Variants in TENM2 observed in about 807,000 individuals in gnomAD.
The protein encoded by TENM2 is teneurin transmembrane protein 2.
TENM2 carries 52 observed loss-of-function variants against 245.2 expected under a neutral mutation model. That is an observed-to-expected ratio of 0.21 (90% CI 0.17 to 0.27). The LOEUF (loss-of-function observed/expected upper bound fraction) is 0.27, where lower values mean the gene tolerates loss of function less well. Among genes scored for constraint, TENM2 ranks in the 10% least tolerant of loss-of-function variants. TENM2 has a pLI of 1.00. For synonymous variants in TENM2, 1,363 were observed against 1,438.9 expected (o/e 0.95, Z 1.19); for missense variants, 3,046 against 3,666.8 (o/e 0.83, Z 4.37).
chr5:168,018,844 A>T (rs1785895363), intron 5 of TENM2, among the ~76,000 whole-genome samples: 1 of 152,198 alleles, frequency 6.6e-6, no homozygotes, highest in South Asian at 2.1e-4. Flanking sequence ...GAAATGGGTG[A>T]CTGAGGTCCC....
intron 2 of TENM2, among the ~76,000 whole-genome samples, chr5:167,552,941 A>G (rs1186163055): frequency 6.6e-6 from 1 of 152,094 alleles, no homozygotes; most frequent in Non-Finnish European, 1.5e-5. Context: ...GAATGAATGA[A>G]TGAATGAATA....
At chr5:167,431,613 A>G (rs975204060) in intron 2 of TENM2, among the ~76,000 whole-genome samples, 3 of 152,008 alleles carry the variant, frequency 2.0e-5, no homozygotes, top group African/African-American at 7.2e-5. Context: ...ATTGCATTCA[A>G]TCTTGAAATA....
the TENM2 span, among the ~76,000 whole-genome samples, chr5:167,269,870 G>T: frequency 6.6e-6 from 1 of 152,042 alleles, no homozygotes; most frequent in African/African-American, 2.4e-5. Context: ...TTCAACTTCT[G>T]TATCTCCACA....
chr5:167,070,813 G>A, the TENM2 span, among the ~76,000 whole-genome samples: 1 of 152,000 alleles, frequency 6.6e-6, no homozygotes, highest in Non-Finnish European at 1.5e-5. Flanking sequence ...ACGATGCTTG[G>A]TTTGTCTTTG....
At chr5:167,757,930 T>C (rs1228387375) in intron 2 of TENM2, among the ~76,000 whole-genome samples, 1 of 152,212 alleles carries the variant, frequency 6.6e-6, no homozygotes, top group African/African-American at 2.4e-5. Context: ...CTGAAGTCTT[T>C]TTCTTAGAGC....
intron 2 of TENM2, among the ~76,000 whole-genome samples, chr5:167,447,929 A>G (rs1765330599): frequency 6.6e-6 from 1 of 152,090 alleles, no homozygotes; most frequent in Non-Finnish European, 1.5e-5. Flanking sequence ...GCTGAGTTTG[A>G]TTTATGAAAT....
chr5:167,986,494 G>C (rs535717014), intron 4 of TENM2, among the ~76,000 whole-genome samples: 121 of 152,250 alleles, frequency 7.9e-4, no homozygotes, highest in African/African-American at 2.9e-3. Context: ...AAGTGTGTGA[G>C]CTCCTCTTTT....
chr5:167,354,354 C>T (rs1759171843), intron 1 of TENM2, among the ~76,000 whole-genome samples: 1 of 152,186 alleles, frequency 6.6e-6, no homozygotes, highest in African/African-American at 2.4e-5. Flanking sequence ...TTTAATAATC[C>T]ACAAATTAGG....
chr5:167,987,367 G>T (rs1178032188), intron 4 of TENM2, among the ~76,000 whole-genome samples: 2 of 149,376 alleles, frequency 1.3e-5, no homozygotes, highest in Non-Finnish European at 3.0e-5. Flanking sequence ...CCTTCTTGTT[G>T]CCCAGGCTGG....
At chr5:167,126,395 C>T in the TENM2 span, among the ~76,000 whole-genome samples, 1 of 152,146 alleles carries the variant, frequency 6.6e-6, no homozygotes, top group African/African-American at 2.4e-5. Context: ...GTTGAGATGT[C>T]CTTTCTATTT....
intron 2 of TENM2, among the ~76,000 whole-genome samples, chr5:167,460,083 G>C (rs1766203079): frequency 1.3e-5 from 2 of 152,048 alleles, no homozygotes; most frequent in Non-Finnish European, 2.9e-5. Context: ...TTTTGAAAGA[G>C]CAATAGAGAT....
the TENM2 span, among the ~76,000 whole-genome samples, chr5:167,002,278 C>T: frequency 2.0e-5 from 3 of 152,036 alleles, no homozygotes. Context: ...TGAAACTAAT[C>T]TTATATTAAA....
chr5:168,119,081 AAGACTGTAG>A (rs1166949307), intron 10 of TENM2, among the ~76,000 whole-genome samples: 1 of 152,194 alleles, frequency 6.6e-6, no homozygotes, highest in Admixed American at 6.5e-5. Context: ...TCAGGCTTGA[AAGACTGTAG>A]GTTTTTTATG....
At chr5:167,973,320 A>G (rs1315574260) in intron 4 of TENM2, among the ~76,000 whole-genome samples, 1 of 152,176 alleles carries the variant, frequency 6.6e-6, no homozygotes, top group Non-Finnish European at 1.5e-5. Flanking sequence ...ATGCTAACTA[A>G]GGATTTTTGT....
chr5:167,873,224 TC>T (rs1224865244), intron 2 of TENM2, among the ~76,000 whole-genome samples: 4 of 152,222 alleles, frequency 2.6e-5, no homozygotes, highest in Non-Finnish European at 4.4e-5. Context: ...AACTTTGAAC[TC>T]TGTCGGATGA....
intron 27 of TENM2, among the ~76,000 whole-genome samples, chr5:168,254,610 G>C (rs1318532588): frequency 6.6e-6 from 1 of 152,220 alleles, no homozygotes; most frequent in Non-Finnish European, 1.5e-5. Flanking sequence ...AAGGATTGCT[G>C]TTCATGGGAA....
intron 2 of TENM2, among the ~76,000 whole-genome samples, chr5:167,859,038 C>T (rs1172105359): frequency 1.3e-5 from 2 of 150,646 alleles, no homozygotes; most frequent in Non-Finnish European, 3.0e-5. Flanking sequence ...CGTCTCCGCC[C>T]GGCCGCCATC....
intron 2 of TENM2, among the ~76,000 whole-genome samples, chr5:167,677,361 C>T (rs1756400859): frequency 6.6e-6 from 1 of 151,502 alleles, no homozygotes; most frequent in African/African-American, 2.4e-5. Flanking sequence ...GGAAACATTT[C>T]TTATGACAGT....
chr5:167,490,383 T>G (rs1457521691), intron 2 of TENM2, among the ~76,000 whole-genome samples: 1 of 147,200 alleles, frequency 6.8e-6, no homozygotes, highest in African/African-American at 2.5e-5. Context: ...GATATTAATA[T>G]CAATATGTTA....
Sources: allele counts gnomAD v4.1 joint callset (sites outside exome capture counted in the v4.1 genomes callset), GRCh38; gene constraint gnomAD v4.1.1; transcripts MANE v1.5; gene names NCBI Gene and HGNC (gene_info 2026-07-23, HGNC 2026-07-21).